Variants in SAMD5 observed in about 807,000 individuals in gnomAD.
SAMD5 encodes sterile alpha motif domain-containing protein 5.
In SAMD5, 13 loss-of-function variants were observed where a neutral mutation model predicts 11.3. The observed-to-expected ratio is 1.15, with a 90% CI of 0.75 to 1.83. The LOEUF (loss-of-function observed/expected upper bound fraction) is 1.83, where lower values mean the gene tolerates loss of function less well. Among genes scored for constraint, SAMD5 ranks in the 40% most tolerant of loss-of-function variants. The probability of loss-of-function intolerance (pLI) is 0.00; values close to 1 mark genes in which losing one functional copy is unlikely to be tolerated. For synonymous variants in SAMD5, 129 were observed against 111.3 expected (o/e 1.16, Z -1.00); for missense variants, 255 against 239.1 (o/e 1.07, Z -0.44).
At chr6:147,750,282 T>C in the SAMD5 span, among the ~76,000 whole-genome samples, 2,262 of 152,336 alleles carry the variant, frequency 0.015, 43 homozygotes, top group African/African-American at 0.052. Flanking sequence ...ATTGAAAATG[T>C]GCATCTTTTT....
chr6:147,734,359 A>AGT (rs1328399135), intron 1 of SAMD5, among the ~76,000 whole-genome samples: 1 of 152,178 alleles, frequency 6.6e-6, no homozygotes, highest in Non-Finnish European at 1.5e-5. Flanking sequence ...CAAAGCAGAT[A>AGT]GTGTGTTTTT....
At chr6:147,902,356 T>G in the SAMD5 span, among the ~76,000 whole-genome samples, 1 of 152,100 alleles carries the variant, frequency 6.6e-6, no homozygotes, top group African/African-American at 2.4e-5. Flanking sequence ...GGACCTTGAT[T>G]TAGTTTTGAA....
chr6:147,622,856 G>A (rs953869707), intron 1 of SAMD5, among the ~76,000 whole-genome samples: 10 of 152,158 alleles, frequency 6.6e-5, no homozygotes, highest in East Asian at 1.9e-4. Context: ...CAATCATGGC[G>A]GAAGGTGAAA....
chr6:147,799,774 A>G, the SAMD5 span, among the ~76,000 whole-genome samples: 1 of 151,794 alleles, frequency 6.6e-6, no homozygotes, highest in Non-Finnish European at 1.5e-5. Flanking sequence ...ATTTCTTTTT[A>G]TTCTTTTTTC....
chr6:147,542,457 T>C (rs1788622148), intron 1 of SAMD5, among the ~76,000 whole-genome samples: 1 of 152,332 alleles, frequency 6.6e-6, no homozygotes, highest in Admixed American at 6.5e-5. Flanking sequence ...ACTGGAGTTT[T>C]ATTGTTACTC....
the SAMD5 span, among the ~76,000 whole-genome samples, chr6:147,911,738 T>C: frequency 2.0e-5 from 3 of 152,258 alleles, no homozygotes; most frequent in African/African-American, 7.2e-5. Flanking sequence ...CTTAGTGTCC[T>C]AATATTATGA....
At chr6:147,538,081 C>G (rs1314154265) in intron 1 of SAMD5, among the ~76,000 whole-genome samples, 1 of 151,900 alleles carries the variant, frequency 6.6e-6, no homozygotes, top group East Asian at 1.9e-4. Context: ...TTTTTAGAAC[C>G]CTTTACAATT....
chr6:147,624,293 T>C (rs553240323), intron 1 of SAMD5, among the ~76,000 whole-genome samples: 1 of 152,182 alleles, frequency 6.6e-6, no homozygotes, highest in Admixed American at 6.5e-5. Flanking sequence ...GATTAGGGCA[T>C]GCTCGCTTCC....
Position 147,700,606 on chromosome 6 carries a change from A to G in SAMD5, c.163-36711A>G, listed in dbSNP as rs370363499. 3.7e-4 allele frequency among the ~76,000 whole-genome samples: 56 copies of G among 152,356 alleles called. No homozygotes were observed. In the East Asian group the frequency reaches 8.7e-3, roughly 24 times the overall value. On this transcript the variant is annotated intron_variant, in intron 1 of 1. Transcript: ENST00000566741. ...CCCTGTCCACATGTGTTTTATTTGT[A>G]TAGCAGCAAACATCTGGCCCTGAAT...
At chr6:147,691,002 T>TG (rs1791094382) in intron 1 of SAMD5, among the ~76,000 whole-genome samples, 1 of 26,360 alleles carries the variant, frequency 3.8e-5, no homozygotes, top group South Asian at 1.3e-3. Context: ...ATCGGGGGTG[T>TG]GGGGGTGGTG....
At chr6:147,899,764 C>T in the SAMD5 span, among the ~76,000 whole-genome samples, 1 of 152,182 alleles carries the variant, frequency 6.6e-6, no homozygotes, top group South Asian at 2.1e-4. Flanking sequence ...ATATTTCCTC[C>T]CTGATAGTTG....
the SAMD5 span, among the ~76,000 whole-genome samples, chr6:147,773,732 G>GCATCATATGGGGGAATAGATGT: frequency 6.6e-6 from 1 of 152,110 alleles, no homozygotes; most frequent in Non-Finnish European, 1.5e-5. Flanking sequence ...CCGCCCAATA[G>GCATCATATGGGGGAATAGATGT]CATCATATGG....
At chr6:147,778,677 C>T in the SAMD5 span, among the ~76,000 whole-genome samples, 1 of 152,126 alleles carries the variant, frequency 6.6e-6, no homozygotes, top group Non-Finnish European at 1.5e-5. Flanking sequence ...AGAAGGACAA[C>T]CTCTCCAAGT....
intron 1 of SAMD5, among the ~76,000 whole-genome samples, chr6:147,733,175 T>G (rs1002052488): frequency 1.3e-5 from 2 of 152,236 alleles, no homozygotes; most frequent in African/African-American, 4.8e-5. Context: ...TTTACCTTTT[T>G]CCTGGATTAG....
At chr6:147,825,617 T>C in the SAMD5 span, among the ~76,000 whole-genome samples, 5 of 152,308 alleles carry the variant, frequency 3.3e-5, no homozygotes, top group East Asian at 9.7e-4. Flanking sequence ...CCATAATAAT[T>C]GGTTCTATTA....
intron 1 of SAMD5, 21 bp from the exon 2 acceptor site, chr6:147,564,373 C>T (rs763862976): frequency 1.2e-5 from 9 of 780,012 alleles, no homozygotes; most frequent in Non-Finnish European, 2.2e-5. Flanking sequence ...TTCAATAACC[C>T]AGATATGTTC....
At chr6:147,580,814 T>TG (rs1355060289) in intron 1 of SAMD5, among the ~76,000 whole-genome samples, 3 of 114,940 alleles carry the variant, frequency 2.6e-5, no homozygotes, top group East Asian at 6.2e-4. Flanking sequence ...AGCTAAACTA[T>TG]GATTTTTTTT....
intron 1 of SAMD5, among the ~76,000 whole-genome samples, chr6:147,736,126 ACAT>A (rs1791799842): frequency 6.6e-6 from 1 of 152,190 alleles, no homozygotes; most frequent in African/African-American, 2.4e-5. Flanking sequence ...TAGCAGTGTG[ACAT>A]CAGGCAGATT....
At chr6:147,589,149 G>A (rs930223247) in intron 1 of SAMD5, among the ~76,000 whole-genome samples, 1 of 151,960 alleles carries the variant, frequency 6.6e-6, no homozygotes, top group Non-Finnish European at 1.5e-5. Flanking sequence ...TGTAGAGACA[G>A]GATCTCACTA....
Sources: gnomAD v4.1 joint callset for allele counts (sites outside exome capture counted in the v4.1 genomes callset) on GRCh38, gnomAD v4.1.1 for gene constraint, MANE v1.5 for transcripts, NCBI Gene and HGNC (gene_info 2026-07-23, HGNC 2026-07-21) for gene names.